BTC: variants seen among roughly 807,000 people sequenced by gnomAD.
The protein encoded by BTC is betacellulin.
Under a neutral mutation model 18.1 loss-of-function variants are expected in BTC, and 13 were observed. That is an observed-to-expected ratio of 0.72 (90% CI 0.47 to 1.14). The LOEUF is 1.14. Among genes scored for constraint, BTC ranks in the 50% most tolerant of loss-of-function variants. The pLI is 0.00. For synonymous variants in BTC, 83 were observed against 79.4 expected, an observed-to-expected ratio of 1.05 and a Z score of -0.24; for missense variants, 247 against 224.2, an observed-to-expected ratio of 1.10 and a Z score of -0.65.
intron 2 of BTC, among the ~76,000 whole-genome samples, chr4:74,764,354 T>C (rs1482231989): frequency 6.6e-6 from 1 of 152,176 alleles, no homozygotes; most frequent in African/African-American, 2.4e-5. Flanking sequence ...GTCACTGAGT[T>C]ACTATGGAAG....
At chr4:74,784,202 A>G (rs1272242913) in intron 1 of BTC, among the ~76,000 whole-genome samples, 2 of 148,722 alleles carry the variant, frequency 1.3e-5, no homozygotes, top group Non-Finnish European at 3.0e-5. Flanking sequence ...ACTGCACTCC[A>G]GGCTGGTTGA....
At chr4:74,793,397 G>C (rs1160171516) in intron 1 of BTC, among the ~76,000 whole-genome samples, 1 of 152,150 alleles carries the variant, frequency 6.6e-6, no homozygotes, top group Non-Finnish European at 1.5e-5. Context: ...TCCCAGGCTT[G>C]AAGGTAGGAG....
At chr4:74,747,605 A>C (rs1343672523) in intron 5 of BTC, among the ~76,000 whole-genome samples, 1 of 152,198 alleles carries the variant, frequency 6.6e-6, no homozygotes, top group African/African-American at 2.4e-5. Context: ...TCTCTATTGG[A>C]TCATCTGAGA....
intron 2 of BTC, among the ~76,000 whole-genome samples, chr4:74,767,576 TA>T (rs1217097078): frequency 6.6e-6 from 1 of 151,928 alleles, no homozygotes; most frequent in Non-Finnish European, 1.5e-5. Context: ...AAAACAAATT[TA>T]AAATTCAAAG....
At position 74,779,181 on chromosome 4, in the gene BTC, T is replaced by C. The variant is rs34480720; in HGVS notation, c.65-9025A>G. On this transcript the variant is annotated intron_variant, in intron 1 of 5. Coordinates refer to ENST00000395743, the MANE Select transcript of BTC (RefSeq NM_001729.4). Reference sequence around the variant, plus strand: ...TAATATCTTGGTGTTTAGGAAAGGCTAAAACTGATTGATAATACAATTTTT... The same window carrying C: ...TAATATCTTGGTGTTTAGGAAAGGCCAAAACTGATTGATAATACAATTTTT... 8.8e-3 allele frequency among the ~76,000 whole-genome samples: 1,334 copies of C among 152,316 alleles called. 11 individuals carry two copies. Among genetic ancestry groups the C allele is most frequent in the Non-Finnish European group, 0.014 (955 of 68,022 alleles).
intron 1 of BTC, among the ~76,000 whole-genome samples, chr4:74,791,503 A>G (rs1725625612): frequency 6.6e-6 from 1 of 152,244 alleles, no homozygotes; most frequent in African/African-American, 2.4e-5. Flanking sequence ...AACCAAATTA[A>G]TGCATATAAA....
In BTC at chr4:74,746,460, C is replaced by T. The variant is rs1724292229; in HGVS notation, c.*217G>A. On this transcript the variant is annotated 3_prime_UTR_variant, in exon 6 of 6. Transcript: ENST00000395743. The stretch of plus-strand genomic sequence containing the variant: ...GAAATTTCCCTTCTGTTGTTGCTAC[C>T]TAACCAGTTGCTTTTTTCCCAATTA... 6.6e-6 allele frequency: 1 copy of T among 152,484 alleles called. No homozygotes were observed. Among genetic ancestry groups the T allele is most frequent in the Non-Finnish European group, 1.5e-5 (1 of 68,008 alleles). 9.4% of individuals were successfully genotyped at this position (152,484 alleles called of 1,614,324 possible). A position where few individuals can be genotyped will look rare whatever the true frequency, so the allele number is the denominator to read the frequency against.
intron 1 of BTC, among the ~76,000 whole-genome samples, chr4:74,770,965 T>C (rs1156315012): frequency 1.3e-5 from 2 of 151,330 alleles, no homozygotes; most frequent in Non-Finnish European, 2.9e-5. Context: ...ATGGATAAAA[T>C]TGATGTATCT....
At chr4:74,778,527 A>G (rs1455838995) in intron 1 of BTC, among the ~76,000 whole-genome samples, 1 of 152,210 alleles carries the variant, frequency 6.6e-6, no homozygotes, top group Admixed American at 6.5e-5. Flanking sequence ...AGAGAAACAC[A>G]GAAATTTGCT....
intron 3 of BTC, among the ~76,000 whole-genome samples, chr4:74,752,656 G>C (rs1310178281): frequency 6.6e-6 from 1 of 152,042 alleles, no homozygotes; most frequent in Non-Finnish European, 1.5e-5. Flanking sequence ...TGGGATTACA[G>C]GCGTGAGCCA....
chr4:74,750,857 T>A, intron 3 of BTC, 138 bp from the exon 4 acceptor site: 1 of 1,188,432 alleles, frequency 8.4e-7, no homozygotes, highest in Non-Finnish European at 1.2e-6. Flanking sequence ...AAAGATGCAC[T>A]ACTTTGTTGA....
chr4:74,782,551 G>T (rs115679869), intron 1 of BTC, among the ~76,000 whole-genome samples: 2 of 151,978 alleles, frequency 1.3e-5, no homozygotes, highest in Non-Finnish European at 1.5e-5. Flanking sequence ...TGAATACCGC[G>T]CACTGAACAT....
chr4:74,748,573 T>C (rs1473333872), intron 4 of BTC, among the ~76,000 whole-genome samples: 1 of 152,170 alleles, frequency 6.6e-6, no homozygotes, highest in Admixed American at 6.5e-5. Context: ...AACCCATCTC[T>C]TTCTCTAGGT....
intron 3 of BTC, among the ~76,000 whole-genome samples, chr4:74,754,677 A>G (rs1305246593): frequency 1.3e-5 from 2 of 152,210 alleles, no homozygotes; most frequent in African/African-American, 4.8e-5. Flanking sequence ...GGATCAGATG[A>G]TCTATGAAGG....
At chr4:74,790,487 G>C (rs549974882) in intron 1 of BTC, among the ~76,000 whole-genome samples, 2 of 152,120 alleles carry the variant, frequency 1.3e-5, no homozygotes, top group South Asian at 2.1e-4. Context: ...GAGTTTACAG[G>C]CTTGACCACT....
rs546781381 is a variant in BTC, at chr4:74,781,909, T to C, written c.65-11753A>G. On this transcript the variant is annotated intron_variant, in intron 1 of 5. Transcript: ENST00000395743. Reference sequence around the variant, plus strand: ...CAGCCCCCATTCTGCTTTCCATCTCTATGACTTTGTCTCAGTCACAGACAT... The same window carrying C: ...CAGCCCCCATTCTGCTTTCCATCTCCATGACTTTGTCTCAGTCACAGACAT... 2.0e-5 allele frequency among the ~76,000 whole-genome samples: 3 copies of C among 152,244 alleles called. No individual in the cohort carries two copies. The South Asian group carries it at 6.2e-4, about 32-fold the overall frequency.
At chr4:74,753,048 A>ATTTATTT (rs2109881131) in intron 3 of BTC, among the ~76,000 whole-genome samples, 1 of 152,350 alleles carries the variant, frequency 6.6e-6, no homozygotes, top group East Asian at 1.9e-4. Flanking sequence ...CCAATAACAT[A>ATTTATTT]TCAGCTGGTG....
At chr4:74,759,548 G>A (rs1724694768) in intron 2 of BTC, among the ~76,000 whole-genome samples, 1 of 151,694 alleles carries the variant, frequency 6.6e-6, no homozygotes, top group Non-Finnish European at 1.5e-5. Context: ...TTCCGAAGAT[G>A]CTAAACACCA....
intron 1 of BTC, among the ~76,000 whole-genome samples, chr4:74,784,551 G>A (rs561781630): frequency 2.5e-4 from 38 of 152,172 alleles, no homozygotes; most frequent in African/African-American, 7.5e-4. Context: ...GTATGATACC[G>A]GCTGTGGGTT....
Sources: gnomAD v4.1 joint callset for allele counts (sites outside exome capture counted in the v4.1 genomes callset) on GRCh38, gnomAD v4.1.1 for gene constraint, MANE v1.5 for transcripts, NCBI Gene and HGNC (gene_info 2026-07-23, HGNC 2026-07-21) for gene names.